TP73: variants seen among roughly 807,000 people sequenced by gnomAD.
The protein encoded by TP73 is tumor protein p73.
TP73 carries 25 observed loss-of-function variants against 62.5 expected under a neutral mutation model. The ratio of observed to expected loss-of-function variants is 0.40; its 90% confidence interval spans 0.29 to 0.56. TP73 has a LOEUF of 0.56. Ranked by LOEUF, TP73 falls within the 20% of genes least tolerant of loss-of-function variation. TP73 has a pLI of 0.46. For missense variants in TP73, 754 were observed against 913.3 expected (o/e 0.83, Z 2.25); for synonymous variants, 423 against 377.5 (o/e 1.12, Z -1.40).
chr1:3,725,074 G>T (rs1434564225), intron 6 of TP73, among the ~76,000 whole-genome samples: 1 of 152,192 alleles, frequency 6.6e-6, no homozygotes, highest in Non-Finnish European at 1.5e-5. Flanking sequence ...AAATCCCTGG[G>T]AAACAGGAGT....
chr1:3,658,480 C>T (rs1295267075), intron 1 of TP73, among the ~76,000 whole-genome samples: 3 of 152,024 alleles, frequency 2.0e-5, no homozygotes, highest in African/African-American at 4.8e-5. Flanking sequence ...TTCTGGGGAG[C>T]GGTAGAGACA....
In TP73 at chr1:3,729,312, C is replaced by G. The variant is rs776331141; in HGVS notation, c.1075-15C>G. 2 of 1,612,892 alleles carry G rather than the reference C, an allele frequency of 1.2e-6. No homozygotes were observed. Among genetic ancestry groups the G allele is most frequent in the Non-Finnish European group, 1.7e-6 (2 of 1,179,910 alleles). On this transcript the variant is annotated splice_polypyrimidine_tract_variant and intron_variant, in intron 9 of 13. Transcript: ENST00000378295. ...TCTGGGGCACGTGGGCAGAGATCTG[C>G]TCCTCTGTGCTCAGGTGCGAGGCCG...
At position 3,727,223 on chromosome 1, in the gene TP73, G is replaced by A. The variant is rs1641720066; in HGVS notation, c.841G>A (p.Asp281Asn). 6.2e-7 allele frequency: 1 copy of A among 1,611,594 alleles called. No individual in the cohort carries two copies. The highest frequency in any genetic ancestry group is 1.3e-5 in the African/African-American group (1 of 74,886). ...ILIIITLEMR[D>N]GQVLGRRSFE... ...CATCATCATCACCCTGGAGATGCGG[G>A]AGTGAGTCCCGGGCACACGGGGTGG... The change falls in exon 7 of 14, where the codon GAT (aspartate) becomes AAT (asparagine). Residue 281 changes from aspartate to asparagine, a missense_variant and splice_region_variant. Asp to Asn is a conservative substitution (Grantham distance 23, BLOSUM62 1). This residue lies in a region of TP73 where 458 missense variants were observed against 528.7 expected (regional missense o/e 0.87). Coordinates refer to ENST00000378295, the MANE Select transcript of TP73 (RefSeq NM_005427.4).
intron 4 of TP73, among the ~76,000 whole-genome samples, chr1:3,718,270 T>G (rs1640777746): frequency 6.6e-6 from 1 of 152,192 alleles, no homozygotes; most frequent in Admixed American, 6.5e-5. Flanking sequence ...CCAGGACCTC[T>G]TGCAGACGGG....
chr1:3,733,221 G>C lies in TP73; in HGVS notation c.*142G>C. 9.9e-7 allele frequency: 1 copy of C among 1,013,276 alleles called. No homozygotes were observed. The allele number at this position is 1,013,276 out of a possible 1,614,324, so 62.8% of individuals were successfully genotyped here. On this transcript the variant is annotated 3_prime_UTR_variant, in exon 14 of 14. Coordinates refer to ENST00000378295, the MANE Select transcript of TP73 (RefSeq NM_005427.4). ...AAGGCAAGGTCCGGCCCATCCCCAGGCACCTCACAGGCCCCAGGAAAGGCC... is the reference window on the plus strand; with the variant it reads ...AAGGCAAGGTCCGGCCCATCCCCAGCCACCTCACAGGCCCCAGGAAAGGCC...
chr1:3,679,562 T>C (rs1645462458), intron 1 of TP73, among the ~76,000 whole-genome samples: 2 of 142,204 alleles, frequency 1.4e-5, no homozygotes, highest in Admixed American at 1.4e-4. Flanking sequence ...TGTCTCTCCC[T>C]GTCTCTGTCT....
intron 1 of TP73, among the ~76,000 whole-genome samples, chr1:3,657,794 T>C (rs572592963): frequency 6.6e-6 from 1 of 152,286 alleles, no homozygotes; most frequent in East Asian, 1.9e-4. Context: ...ACCTCCCGCC[T>C]GGCGCCTCCT....
chr1:3,682,187 G>A lies in TP73; in HGVS notation c.-33-146G>A, dbSNP rs569285655. On this transcript the variant is annotated intron_variant, in intron 1 of 13. Transcript: ENST00000378295. ...ACAGGGTGGACGAAATGACAGTGGA[G>A]AGGGCACAGGGAGGGCAAGGCGGGG... is the stretch of plus-strand genomic sequence containing the variant. The A allele has an allele frequency of 1.4e-4, 70 of 515,042 alleles. 1 individual carries two copies. In the Admixed American group the frequency reaches 1.8e-3, roughly 13 times the overall value. 31.9% of individuals were successfully genotyped at this position (515,042 alleles called of 1,614,324 possible).
chr1:3,709,068 G>A (rs928456577), intron 4 of TP73, among the ~76,000 whole-genome samples: 13 of 152,342 alleles, frequency 8.5e-5, no homozygotes, highest in East Asian at 3.9e-4. Flanking sequence ...GGGGCAGGGC[G>A]GAGCCTAAGG....
chr1:3,690,966 T>C (rs950054405), intron 3 of TP73: 3 of 1,571,722 alleles, frequency 1.9e-6, no homozygotes, highest in Non-Finnish European at 8.6e-7. Flanking sequence ...GCGCCATTCA[T>C]AGGATCTCTT....
rs1027061771 is a variant in TP73, at chr1:3,672,563, C to G, written c.-33-9770C>G. 6.6e-6 allele frequency among the ~76,000 whole-genome samples: 1 copy of G among 152,088 alleles called. No homozygotes were observed. The highest frequency in any genetic ancestry group is 1.5e-5 in the Non-Finnish European group (1 of 67,990). On this transcript the variant is annotated intron_variant, in intron 1 of 13. Transcript: ENST00000378295. The surrounding 1 kb of genome is among the most constrained non-coding windows in gnomAD (Gnocchi z 5.3). ...TATCGACTCAGACACCCACTCTGGC[C>G]ATAAGCTCCGCTCTGTCCCAGCCCT...
chr1:3,681,163 C>T (rs1360369470), intron 1 of TP73, among the ~76,000 whole-genome samples: 1 of 152,228 alleles, frequency 6.6e-6, no homozygotes, highest in Non-Finnish European at 1.5e-5. Flanking sequence ...TCAGCTCCCG[C>T]CTGCCTGGGG....
At position 3,662,805 on chromosome 1, in the gene TP73, C is replaced by T. The variant is rs1570361671; in HGVS notation, c.-34+10164C>T. Among the ~76,000 whole-genome samples the T allele has an allele frequency of 6.6e-6, 1 of 152,132 alleles. No individual in the cohort carries two copies. The highest frequency in any genetic ancestry group is 2.1e-4 in the South Asian group (1 of 4,828). ...CTATGGGCCTTGGAGATGGAATCAGCTCCCCACCAGGCCCCAGGACAGACC... is the reference window on the plus strand; with the variant it reads ...CTATGGGCCTTGGAGATGGAATCAGTTCCCCACCAGGCCCCAGGACAGACC... On this transcript the variant is annotated intron_variant, in intron 1 of 13. Transcript: ENST00000378295. This position sits in a 1 kb window ranked among gnomAD's most constrained non-coding sequence, Gnocchi z 4.4.
chr1:3,668,431 C>T (rs1021203021), intron 1 of TP73, among the ~76,000 whole-genome samples: 3 of 151,968 alleles, frequency 2.0e-5, no homozygotes, highest in Non-Finnish European at 2.9e-5. Flanking sequence ...GGGCGGGGCT[C>T]CTCAAAATCC....
chr1:3,731,323 C>A, intron 12 of TP73, 140 bp from the exon 13 acceptor site: 1 of 973,094 alleles, frequency 1.0e-6, no homozygotes, highest in Non-Finnish European at 1.5e-6. Context: ...TGAGGGATGC[C>A]GTGGCCACCT....
At position 3,730,147 on chromosome 1, in the gene TP73, G is replaced by C. The variant is rs1459951985; in HGVS notation, c.1344G>C (p.Val448=). The C allele has an allele frequency of 6.5e-7, 1 of 1,549,698 alleles. No individual in the cohort carries two copies. Among genetic ancestry groups the C allele is most frequent in the Non-Finnish European group, 8.7e-7 (1 of 1,145,382 alleles). ...SSAATPNLGP[V]GPGMLNNHGH... Reference sequence around the variant, plus strand: ...CAGCTACACCCAACCTGGGGCCCGTGGGTGAGTCCCTTGGGCAGTGCGGGC... The same window carrying C: ...CAGCTACACCCAACCTGGGGCCCGTCGGTGAGTCCCTTGGGCAGTGCGGGC... Residue 448 remains valine, a splice_region_variant and synonymous_variant, in exon 11 of 14, where the codon GTG becomes GTC. Coordinates refer to ENST00000378295, the MANE Select transcript of TP73 (RefSeq NM_005427.4).
chr1:3,690,910 T>A, intron 3 of TP73: 1 of 1,579,150 alleles, frequency 6.3e-7, no homozygotes, highest in East Asian at 2.3e-5. Flanking sequence ...CCTACCATGC[T>A]GTACGTCGGT....
Position 3,683,186 on chromosome 1 carries a change from TG to T in TP73, c.186+13del, listed in dbSNP as rs57492244. 0.074 allele frequency: 118,836 copies of T among 1,600,384 alleles called. 7,309 individuals are homozygous for T. Among genetic ancestry groups the T allele is most frequent in the African/African-American group, 0.3 (22,558 of 74,710 alleles). On this transcript the variant is annotated splice_region_variant and intron_variant, in intron 3 of 13. Transcript: ENST00000378295. ...GCATGACTACATCTGTCATGGTGAG[TG>T]GGGGGGCTGCCCTCTGCAAGAGGAC...
At chr1:3,669,136 C>T (rs977835921) in intron 1 of TP73, among the ~76,000 whole-genome samples, 3 of 152,258 alleles carry the variant, frequency 2.0e-5, no homozygotes, top group African/African-American at 7.2e-5. Context: ...CACCTGGCCC[C>T]ACCGACCCTC....
Sources: allele counts gnomAD v4.1 joint callset (sites outside exome capture counted in the v4.1 genomes callset), GRCh38; gene constraint gnomAD v4.1.1; regional missense constraint gnomAD v4.1.1; non-coding constraint Gnocchi (gnomAD v3.1); transcripts MANE v1.5; gene names NCBI Gene and HGNC (gene_info 2026-07-23, HGNC 2026-07-21).